ZHX3: variants seen among roughly 807,000 people sequenced by gnomAD.
ZHX3 encodes zinc fingers and homeoboxes protein 3.
Under a neutral mutation model 64.5 loss-of-function variants are expected in ZHX3, and 20 were observed. The observed-to-expected ratio is 0.31, with a 90% CI of 0.22 to 0.45. The LOEUF is 0.45. Ranked by LOEUF, ZHX3 falls within the 20% of genes least tolerant of loss-of-function variation. The pLI is 1.00. For missense variants in ZHX3, 1,041 were observed against 1,195.8 expected (o/e 0.87, Z 1.91); for synonymous variants, 423 against 461.6 (o/e 0.92, Z 1.07).
At chr20:41,248,592 T>A (rs910365741) in intron 2 of ZHX3, among the ~76,000 whole-genome samples, 1 of 152,092 alleles carries the variant, frequency 6.6e-6, no homozygotes, top group South Asian at 2.1e-4. Context: ...GAAAAGAAAA[T>A]TTTTTTATGT....
intron 1 of ZHX3, among the ~76,000 whole-genome samples, chr20:41,274,266 C>T (rs1287713582): frequency 6.6e-6 from 1 of 152,202 alleles, no homozygotes; most frequent in Non-Finnish European, 1.5e-5. Context: ...AGTAGAGGAA[C>T]AGAGATGCAC....
intron 2 of ZHX3, among the ~76,000 whole-genome samples, chr20:41,223,599 G>A (rs2040086805): frequency 6.6e-6 from 1 of 152,198 alleles, no homozygotes; most frequent in Non-Finnish European, 1.5e-5. Flanking sequence ...AATACCTCGA[G>A]AAAAATATGT....
At position 41,200,530 on chromosome 20, in the gene ZHX3, G is replaced by A. The variant is rs1007005169; in HGVS notation, c.2860+1527C>T. Among the ~76,000 whole-genome samples the A allele has an allele frequency of 1.3e-5, 2 of 152,180 alleles. No homozygotes were observed. The highest frequency in any genetic ancestry group is 4.8e-5 in the African/African-American group (2 of 41,446). The stretch of plus-strand genomic sequence containing the variant: ...GTGCCATCAGCTACTTTATAAAGCA[G>A]GCTGTGAGCTGTGGGCCCCAAAGGA... On this transcript the variant is annotated intron_variant, in intron 3 of 3. Transcript: ENST00000683867. This position sits in a 1 kb window ranked among gnomAD's most constrained non-coding sequence, Gnocchi z 4.2.
chr20:41,217,930 T>A (rs142278869), intron 2 of ZHX3, among the ~76,000 whole-genome samples: 180 of 152,370 alleles, frequency 1.2e-3, no homozygotes, highest in African/African-American at 4.2e-3. Context: ...GTAACTATTT[T>A]GACATTTTTT....
Position 41,306,176 on chromosome 20 carries a change from T to G in ZHX3, c.-245+11333A>C, listed in dbSNP as rs191912378. ...GAAATGTTAATATTCAGTTCAAGCA[T>G]TGTATTTGGGGATGCGACGCATTCT... On this transcript the variant is annotated intron_variant, in intron 1 of 3. Transcript: ENST00000683867. Among the ~76,000 whole-genome samples the G allele has an allele frequency of 3.0e-3, 459 of 152,326 alleles. 1 individual carries two copies. The highest frequency in any genetic ancestry group is 4.5e-3 in the Admixed American group (69 of 15,306).
At position 41,310,956 on chromosome 20, in the gene ZHX3, G is replaced by A. The variant is rs181728868; in HGVS notation, c.-245+6553C>T. 2.8e-3 allele frequency among the ~76,000 whole-genome samples: 423 copies of A among 151,696 alleles called. 3 individuals are homozygous for A. Among genetic ancestry groups the A allele is most frequent in the South Asian group, 0.015 (74 of 4,784 alleles). ...CCTGAGTAGCTGGGACTACAGGCAC[G>A]TGCCACCACACCAAGCTAATTTTTT... is the stretch of plus-strand genomic sequence containing the variant. On this transcript the variant is annotated intron_variant, in intron 1 of 3. Coordinates refer to ENST00000683867, the MANE Select transcript of ZHX3 (RefSeq NM_001384317.1).
chr20:41,266,592 C>G (rs1410650169), intron 2 of ZHX3, among the ~76,000 whole-genome samples: 1 of 149,946 alleles, frequency 6.7e-6, no homozygotes, highest in Non-Finnish European at 1.5e-5. Flanking sequence ...GTCGCCCAGG[C>G]TGGAGTGCAG....
At chr20:41,241,247 C>T (rs2041360456) in intron 2 of ZHX3, among the ~76,000 whole-genome samples, 1 of 152,126 alleles carries the variant, frequency 6.6e-6, no homozygotes. Context: ...TTTTGATTTG[C>T]ATTTCTCTGA....
In ZHX3 at chr20:41,202,905, T is replaced by G. The variant is rs1255804684; in HGVS notation, c.2012A>C (p.Glu671Ala). 1 of 1,614,178 alleles carries G rather than the reference T, an allele frequency of 6.2e-7. No individual in the cohort carries two copies. The change falls in exon 3 of 4, where the codon GAG becomes GCG. Residue 671 changes from glutamate (E) to alanine (A), a missense_variant. Coordinates refer to ENST00000683867, the MANE Select transcript of ZHX3 (RefSeq NM_001384317.1). This position sits in a 1 kb window ranked among gnomAD's most constrained non-coding sequence, Gnocchi z 7.0. ...SERRKKVNAEETKKAEENASQ... is the reference protein window; with the variant it reads ...SERRKKVNAEATKKAEENASQ... ...GGCATTCTCCTCAGCCTTCTTGGTC[T>G]CCTCAGCATTCACTTTTTTCCGTCT...
chr20:41,185,088 C>A lies in ZHX3; in HGVS notation c.*103G>T. 6.4e-7 allele frequency: 1 copy of A among 1,562,080 alleles called. No individual in the cohort carries two copies. Among genetic ancestry groups the A allele is most frequent in the Admixed American group, 1.9e-5 (1 of 52,118 alleles). On this transcript the variant is annotated 3_prime_UTR_variant, in exon 4 of 4. Coordinates refer to ENST00000683867, the MANE Select transcript of ZHX3 (RefSeq NM_001384317.1). The surrounding 1 kb of genome is among the most constrained non-coding windows in gnomAD (Gnocchi z 5.0). ...GAAGCTCTCCCAGGTGCCCAGCAGC[C>A]GGGCATGGGAACGGCATGTGGCAGC...
rs1300514506 is a variant in ZHX3 at position 41,196,464 on chromosome 20, AT to A, written c.2860+5592del. The stretch of plus-strand genomic sequence containing the variant: ...TATATTATATATAATATATTTATAT[AT>A]AATATATATTTATATATTATAAATA... On this transcript the variant is annotated intron_variant, in intron 3 of 3. Coordinates refer to ENST00000683867, the MANE Select transcript of ZHX3 (RefSeq NM_001384317.1). 3.0e-3 allele frequency among the ~76,000 whole-genome samples: 161 copies of A among 53,752 alleles called. 10 individuals are homozygous for A. The highest frequency in any genetic ancestry group is 0.012 in the African/African-American group (143 of 11,510). The allele number at this position is 53,752 out of a possible 152,430, so 35.3% of individuals were successfully genotyped here. A position where few individuals can be genotyped will look rare whatever the true frequency, so the allele number is the denominator to read the frequency against.
intron 1 of ZHX3, among the ~76,000 whole-genome samples, chr20:41,272,927 C>T (rs557633337): frequency 3.3e-5 from 5 of 152,198 alleles, no homozygotes; most frequent in South Asian, 2.1e-4. Flanking sequence ...TAATTCTATA[C>T]GGAACTTTTT....
At chr20:41,251,718 T>C (rs2042001973) in intron 2 of ZHX3, among the ~76,000 whole-genome samples, 1 of 152,134 alleles carries the variant, frequency 6.6e-6, no homozygotes, top group Non-Finnish European at 1.5e-5. Flanking sequence ...GTACTGTCTA[T>C]AGAATAGATA....
intron 3 of ZHX3, among the ~76,000 whole-genome samples, chr20:41,189,673 C>A (rs144088128): frequency 6.6e-6 from 1 of 152,048 alleles, no homozygotes; most frequent in Non-Finnish European, 1.5e-5. Context: ...GATTTTTGTA[C>A]GTTAACTTTA....
chr20:41,188,017 TTCTA>T (rs1017032620), intron 3 of ZHX3, among the ~76,000 whole-genome samples: 1 of 152,202 alleles, frequency 6.6e-6, no homozygotes, highest in African/African-American at 2.4e-5. Context: ...ACTTTGTTTC[TTCTA>T]TCTACTATAA....
intron 2 of ZHX3, among the ~76,000 whole-genome samples, chr20:41,211,435 C>T (rs2039151685): frequency 1.3e-5 from 2 of 151,984 alleles, no homozygotes; most frequent in Non-Finnish European, 2.9e-5. Flanking sequence ...ACTCTAACAA[C>T]TTCTCACCCC....
In ZHX3 at chr20:41,316,497, C is replaced by A. The variant is rs188426684; in HGVS notation, c.-245+1012G>T. 3.8e-3 allele frequency among the ~76,000 whole-genome samples: 582 copies of A among 152,274 alleles called. 12 individuals carry two copies. The highest frequency in any genetic ancestry group is 0.028 in the Admixed American group (434 of 15,306). On this transcript the variant is annotated intron_variant, in intron 1 of 3. Coordinates refer to ENST00000683867, the MANE Select transcript of ZHX3 (RefSeq NM_001384317.1). ...TAAAGAGCATTGAGATAACAACACACAAGAACGTGTATAAATGGAAACTAC... is the reference window on the plus strand; with the variant it reads ...TAAAGAGCATTGAGATAACAACACAAAAGAACGTGTATAAATGGAAACTAC...
At chr20:41,245,980 T>C (rs2041667045) in intron 2 of ZHX3, among the ~76,000 whole-genome samples, 1 of 152,242 alleles carries the variant, frequency 6.6e-6, no homozygotes, top group Non-Finnish European at 1.5e-5. Context: ...AAGTCTCCAA[T>C]ATCAAATGGA....
intron 2 of ZHX3, among the ~76,000 whole-genome samples, chr20:41,229,574 CT>C (rs931043092): frequency 1.8e-4 from 27 of 151,536 alleles, no homozygotes; most frequent in African/African-American, 3.4e-4. Context: ...CTGTTATTTT[CT>C]TTTTTTTTCT....
Sources: gnomAD v4.1 joint callset for allele counts (sites outside exome capture counted in the v4.1 genomes callset) on GRCh38, gnomAD v4.1.1 for gene constraint, Gnocchi (gnomAD v3.1) non-coding constraint, MANE v1.5 for transcripts, NCBI Gene and HGNC (gene_info 2026-07-23, HGNC 2026-07-21) for gene names.